SLC15A1: variants seen among roughly 807,000 people sequenced by gnomAD.
The protein encoded by SLC15A1 is Caco-2 oligopeptide transporter.
In SLC15A1, 83 loss-of-function variants were observed where a neutral mutation model predicts 92.9. The ratio of observed to expected loss-of-function variants is 0.89; its 90% CI spans 0.75 to 1.07. SLC15A1 has a LOEUF of 1.07. Among genes scored for constraint, SLC15A1 ranks in the 50% least tolerant of loss-of-function variants. The pLI is 0.00. For missense variants in SLC15A1, 857 were observed against 880.1 expected (o/e 0.97, Z 0.33); for synonymous variants, 322 against 318.2 (o/e 1.01, Z -0.13).
chr13:98,748,389 C>T (rs1358103737), intron 1 of SLC15A1, among the ~76,000 whole-genome samples: 2 of 152,198 alleles, frequency 1.3e-5, no homozygotes, highest in East Asian at 1.9e-4. Context: ...CTCCTGGGCT[C>T]AAGTGATCCT....
At position 98,715,886 on chromosome 13, in the gene SLC15A1, A is replaced by C; in HGVS notation, c.715T>G (p.Cys239Gly). Residue 239 changes from cysteine (C) to glycine (G), a missense_variant, in exon 9 of 23, where the codon TGC becomes GGC. Coordinates refer to ENST00000376503, the MANE Select transcript of SLC15A1 (RefSeq NM_005073.4). ...QGNIMGKVAKCIGFAIKNRFR... is the reference protein window; with the variant it reads ...QGNIMGKVAKGIGFAIKNRFR... The stretch of plus-strand genomic sequence containing the variant: ...GCAGCTGAGATACTTACACCGATGC[A>C]CTTGGCCACTTTACCCATGATGTTG... The C allele has an allele frequency of 1.2e-6, 2 of 1,614,102 alleles. No homozygotes were observed. Among genetic ancestry groups the C allele is most frequent in the Non-Finnish European group, 1.7e-6 (2 of 1,179,926 alleles).
In SLC15A1 at chr13:98,708,770, GA is replaced by G; in HGVS notation, c.1068-4del. ...CAACTGCCATCTTCTTCAAGGAGCT[GA>G]TGGCACAAGAGAAGAGTGACTCTCA... On this transcript the variant is annotated splice_region_variant and splice_polypyrimidine_tract_variant and intron_variant, in intron 14 of 22. Coordinates refer to ENST00000376503, the MANE Select transcript of SLC15A1 (RefSeq NM_005073.4). 2 of 1,608,364 alleles carry G rather than the reference GA, an allele frequency of 1.2e-6. No individual in the cohort carries two copies. The highest frequency in any genetic ancestry group is 1.7e-6 in the Non-Finnish European group (2 of 1,177,718).
intron 1 of SLC15A1, among the ~76,000 whole-genome samples, chr13:98,750,842 C>T (rs2088539303): frequency 6.6e-6 from 1 of 151,760 alleles, no homozygotes; most frequent in African/African-American, 2.4e-5. Flanking sequence ...ACCTTCGTCT[C>T]CTGGGTTCAA....
At chr13:98,686,360 C>G (rs2087929564) in intron 21 of SLC15A1, 63 bp from the exon 22 acceptor site, 6 of 1,139,050 alleles carry the variant, frequency 5.3e-6, no homozygotes, top group Non-Finnish European at 7.8e-6. Flanking sequence ...GAGAACACAG[C>G]TCACCGATGG....
intron 7 of SLC15A1, chr13:98,720,530 C>T (rs2088248476): frequency 6.5e-6 from 1 of 153,086 alleles, no homozygotes; most frequent in South Asian, 2.1e-4. Context: ...ATACATAAAT[C>T]CCCCTGAAAT....
At chr13:98,702,852 G>A (rs9557037) in intron 17 of SLC15A1, among the ~76,000 whole-genome samples, 5 of 151,558 alleles carry the variant, frequency 3.3e-5, no homozygotes, top group South Asian at 4.2e-4. Flanking sequence ...GGAAGCTGAC[G>A]TGGGAGGGAG....
chr13:98,726,671 G>A, intron 2 of SLC15A1, 172 bp downstream of exon 2: 2 of 762,740 alleles, frequency 2.6e-6, no homozygotes, highest in South Asian at 1.6e-5. Context: ...TTAGTCTGAG[G>A]AGGATTATCC....
At chr13:98,702,967 C>CAAA (rs535486738) in intron 17 of SLC15A1, among the ~76,000 whole-genome samples, 7 of 77,682 alleles carry the variant, frequency 9.0e-5, no homozygotes, top group Non-Finnish European at 1.5e-4. Context: ...GATCCTGTCT[C>CAAA]AAAAAAAAAA....
chr13:98,749,738 G>A (rs992439766), intron 1 of SLC15A1, among the ~76,000 whole-genome samples: 3 of 152,176 alleles, frequency 2.0e-5, no homozygotes, highest in African/African-American at 7.2e-5. Context: ...TGGCTCATGG[G>A]CTACATCTGG....
At chr13:98,740,327 G>A (rs772744862) in intron 1 of SLC15A1, among the ~76,000 whole-genome samples, 7 of 152,150 alleles carry the variant, frequency 4.6e-5, no homozygotes, top group Non-Finnish European at 7.4e-5. Flanking sequence ...ACTGTCCACC[G>A]TCCACACCAG....
chr13:98,747,113 C>T (rs560923222), intron 1 of SLC15A1, among the ~76,000 whole-genome samples: 65 of 152,220 alleles, frequency 4.3e-4, no homozygotes, highest in Non-Finnish European at 4.9e-4. Flanking sequence ...CAATAGACTT[C>T]CAGCTTCTGA....
In SLC15A1 at chr13:98,687,125, T is replaced by A. The variant is rs148826090; in HGVS notation, c.1827+456A>T. On this transcript the variant is annotated intron_variant, in intron 21 of 22. Coordinates refer to ENST00000376503, the MANE Select transcript of SLC15A1 (RefSeq NM_005073.4). ...ACCATGCTCAGCTAATGTGTTTTTT[T>A]AATTTTTTTTAATTTTTAAAGCTAG... is the stretch of plus-strand genomic sequence containing the variant. Among the ~76,000 whole-genome samples the A allele has an allele frequency of 8.8e-3, 1,343 of 152,136 alleles. 40 individuals carry two copies. Among genetic ancestry groups the A allele is most frequent in the Admixed American group, 0.052 (797 of 15,272 alleles).
intron 8 of SLC15A1, among the ~76,000 whole-genome samples, chr13:98,716,300 A>G (rs974372001): frequency 2.0e-5 from 3 of 152,198 alleles, no homozygotes; most frequent in Non-Finnish European, 4.4e-5. Flanking sequence ...GTACTTTCAT[A>G]TAACACATTA....
At chr13:98,737,153 C>A (rs1395074679) in intron 1 of SLC15A1, among the ~76,000 whole-genome samples, 1 of 152,222 alleles carries the variant, frequency 6.6e-6, no homozygotes, top group Admixed American at 6.5e-5. Flanking sequence ...CCATGGAATA[C>A]TATTCAGCCA....
intron 1 of SLC15A1, among the ~76,000 whole-genome samples, 165 bp downstream of exon 1, chr13:98,752,430 G>T (rs2088554509): frequency 6.6e-6 from 1 of 152,078 alleles, no homozygotes; most frequent in Non-Finnish European, 1.5e-5. Flanking sequence ...GACCACCCGG[G>T]AGGGGATCCC....
rs188412066 is a variant in SLC15A1 at position 98,726,953 on chromosome 13, C to G, written c.5-94G>C. On this transcript the variant is annotated intron_variant, in intron 1 of 22. Transcript: ENST00000376503. ...AGAGCCTCTGACTTTTTAGGGTGGTCAGAGGGGCCATTCACCAAACAGCTC... is the reference window on the plus strand; with the variant it reads ...AGAGCCTCTGACTTTTTAGGGTGGTGAGAGGGGCCATTCACCAAACAGCTC... The G allele has an allele frequency of 4.1e-6, 5 of 1,207,118 alleles. No individual in the cohort carries two copies. In the African/African-American group the frequency reaches 7.5e-5, roughly 18 times the overall value. The allele number at this position is 1,207,118 out of a possible 1,614,324, so 74.8% of individuals were successfully genotyped here.
At chr13:98,726,702 G>T (rs1188233570) in intron 2 of SLC15A1, 141 bp downstream of exon 2, 1 of 862,928 alleles carries the variant, frequency 1.2e-6, no homozygotes. Context: ...CTCAGGAGAG[G>T]ACATCTCACA....
At chr13:98,695,312 C>A (rs1454630976) in intron 18 of SLC15A1, among the ~76,000 whole-genome samples, 1 of 152,118 alleles carries the variant, frequency 6.6e-6, no homozygotes, top group Admixed American at 6.5e-5. Flanking sequence ...GCTTCGAACT[C>A]CTGAGCTCAA....
chr13:98,692,136 CTTTTTTTTTTTTTTTTTTTTT>C (rs528865683), intron 18 of SLC15A1, among the ~76,000 whole-genome samples: 7 of 67,616 alleles, frequency 1.0e-4, no homozygotes, highest in African/African-American at 2.2e-4. Context: ...TTCTCCTAAA[CTTTTTTTTTTTTTTTTTTTTT>C]TTTTTTTTTT....
Sources: allele counts gnomAD v4.1 joint callset (sites outside exome capture counted in the v4.1 genomes callset), GRCh38; gene constraint gnomAD v4.1.1; transcripts MANE v1.5; gene names NCBI Gene and HGNC (gene_info 2026-07-23, HGNC 2026-07-21).